The following HACD2 variants were observed in gnomAD, a reference collection of about 807,000 sequenced individuals.
The protein encoded by HACD2 is 3-hydroxyacyl-CoA dehydratase 2, also known as very-long-chain (3R)-3-hydroxyacyl-CoA dehydratase 2.
In HACD2, 15 loss-of-function variants were observed where a neutral mutation model predicts 31.0. That is an observed-to-expected ratio of 0.48 (90% CI 0.32 to 0.75). The LOEUF (loss-of-function observed/expected upper bound fraction) is 0.75, where lower values mean the gene tolerates loss of function less well. HACD2 is among the 30% of genes least tolerant of loss of function. The pLI is 0.03. For synonymous variants in HACD2, 115 were observed against 122.2 expected, an observed-to-expected ratio of 0.94 and a Z score of 0.39; for missense variants, 283 against 313.0, an observed-to-expected ratio of 0.90 and a Z score of 0.72.
intron 4 of HACD2, among the ~76,000 whole-genome samples, chr3:123,522,762 T>C (rs1559909286): frequency 6.7e-6 from 1 of 150,334 alleles, no homozygotes; most frequent in Non-Finnish European, 1.5e-5. Flanking sequence ...CCAAATGGAG[T>C]AGGGTGGAGG....
At chr3:123,512,553 G>A (rs918308834) in intron 4 of HACD2, among the ~76,000 whole-genome samples, 3 of 152,160 alleles carry the variant, frequency 2.0e-5, no homozygotes, top group Admixed American at 1.3e-4. Flanking sequence ...TTGAGAATGG[G>A]GGTGGTGAAG....
chr3:123,566,809 G>C (rs763411731), intron 3 of HACD2, among the ~76,000 whole-genome samples: 2 of 152,010 alleles, frequency 1.3e-5, no homozygotes, highest in African/African-American at 2.4e-5. Flanking sequence ...AGCTATGATC[G>C]CATCAATGCA....
chr3:123,564,345 G>A (rs2056768967), intron 3 of HACD2, among the ~76,000 whole-genome samples: 1 of 152,208 alleles, frequency 6.6e-6, no homozygotes, highest in African/African-American at 2.4e-5. Flanking sequence ...GAAGGGCAAT[G>A]AGCTAAGACA....
At chr3:123,561,837 G>A (rs1290947117) in intron 3 of HACD2, among the ~76,000 whole-genome samples, 1 of 151,570 alleles carries the variant, frequency 6.6e-6, no homozygotes, top group East Asian at 1.9e-4. Flanking sequence ...TTTGAGACGG[G>A]GTCTCACTCT....
intron 4 of HACD2, among the ~76,000 whole-genome samples, chr3:123,520,631 T>C (rs745904465): frequency 2.7e-4 from 41 of 152,254 alleles, no homozygotes; most frequent in Non-Finnish European, 1.2e-4. Flanking sequence ...CCAACATCTT[T>C]CCACCACTGT....
intron 3 of HACD2, among the ~76,000 whole-genome samples, chr3:123,559,844 T>C (rs2056709366): frequency 6.6e-6 from 1 of 152,204 alleles, no homozygotes; most frequent in Admixed American, 6.5e-5. Flanking sequence ...CCTCGGGGAC[T>C]GTTTTTGCCT....
intron 2 of HACD2, among the ~76,000 whole-genome samples, chr3:123,579,953 G>A (rs1017682049): frequency 1.3e-5 from 2 of 152,116 alleles, no homozygotes; most frequent in Non-Finnish European, 2.9e-5. Context: ...AGGTGGATAC[G>A]AGAGAAAAGA....
chr3:123,501,703 T>C (rs2055903936), intron 5 of HACD2, among the ~76,000 whole-genome samples: 1 of 152,334 alleles, frequency 6.6e-6, no homozygotes, highest in South Asian at 2.1e-4. Flanking sequence ...GCTTCCACAG[T>C]GGCTGTCCAG....
chr3:123,549,498 A>G (rs1206907808), intron 3 of HACD2, among the ~76,000 whole-genome samples: 2 of 152,200 alleles, frequency 1.3e-5, no homozygotes, highest in Non-Finnish European at 2.9e-5. Flanking sequence ...CTGTAATCCC[A>G]GCACTTTGGG....
intron 2 of HACD2, among the ~76,000 whole-genome samples, chr3:123,568,660 T>C (rs1413486312): frequency 6.6e-6 from 1 of 152,190 alleles, no homozygotes; most frequent in African/African-American, 2.4e-5. Context: ...ATAGCAGTGA[T>C]TTAACTCTGG....
intron 2 of HACD2, among the ~76,000 whole-genome samples, chr3:123,574,921 G>C (rs1424654057): frequency 2.0e-5 from 3 of 151,948 alleles, no homozygotes; most frequent in African/African-American, 7.3e-5. Context: ...ATGAACTCTG[G>C]AGTGATACAA....
At chr3:123,529,554 GTC>G (rs1345091586) in intron 3 of HACD2, among the ~76,000 whole-genome samples, 2 of 152,084 alleles carry the variant, frequency 1.3e-5, no homozygotes, top group Non-Finnish European at 2.9e-5. Context: ...GCGAGACCTT[GTC>G]TCTACTAAAA....
At chr3:123,522,522 T>C (rs1000067830) in intron 4 of HACD2, among the ~76,000 whole-genome samples, 1 of 152,136 alleles carries the variant, frequency 6.6e-6, no homozygotes, top group Non-Finnish European at 1.5e-5. Flanking sequence ...CTATGCTAAA[T>C]ATAGGTAACG....
intron 2 of HACD2, among the ~76,000 whole-genome samples, chr3:123,576,464 G>A (rs1285144151): frequency 1.3e-5 from 2 of 152,092 alleles, no homozygotes; most frequent in Non-Finnish European, 2.9e-5. Flanking sequence ...TTTTCACACT[G>A]TTTGAGAAGC....
intron 4 of HACD2, among the ~76,000 whole-genome samples, chr3:123,526,263 C>T (rs1171486257): frequency 1.3e-5 from 2 of 152,182 alleles, no homozygotes; most frequent in African/African-American, 4.8e-5. Context: ...CTGTCGAAGA[C>T]GTAGGGCAGG....
chr3:123,569,865 T>C (rs2056833643), intron 2 of HACD2, among the ~76,000 whole-genome samples: 1 of 151,790 alleles, frequency 6.6e-6, no homozygotes, highest in South Asian at 2.1e-4. Flanking sequence ...GGCGCATGCC[T>C]GTAGTCTCGG....
chr3:123,535,322 A>C (rs552557781), intron 3 of HACD2, among the ~76,000 whole-genome samples: 23 of 152,324 alleles, frequency 1.5e-4, no homozygotes, highest in African/African-American at 5.5e-4. Context: ...GCTAGACCAT[A>C]TGGCCTAGGT....
intron 6 of HACD2, among the ~76,000 whole-genome samples, chr3:123,498,827 T>C (rs1267364343): frequency 6.6e-6 from 1 of 152,124 alleles, no homozygotes; most frequent in African/African-American, 2.4e-5. Context: ...AGGAACGCTA[T>C]CATCATGGAG....
rs2056268484 is a variant in HACD2 at position 123,525,402 on chromosome 3, A to G, written c.381+2984T>C. Among the ~76,000 whole-genome samples, 5 of 152,310 alleles carry G rather than the reference A, an allele frequency of 3.3e-5. No homozygotes were observed. The South Asian group carries it at 1.0e-3, about 32-fold the overall frequency. On this transcript the variant is annotated intron_variant, in intron 4 of 6. Transcript: ENST00000383657. Reference sequence around the variant, plus strand: ...GGGTAGATCCTTACACATAAGAGAAAACCATCTGATCACTTTTTAGTTTCA... The same window carrying G: ...GGGTAGATCCTTACACATAAGAGAAGACCATCTGATCACTTTTTAGTTTCA...
Sources: gnomAD v4.1 joint callset for allele counts (sites outside exome capture counted in the v4.1 genomes callset) on GRCh38, gnomAD v4.1.1 for gene constraint, MANE v1.5 for transcripts, NCBI Gene and HGNC (gene_info 2026-07-23, HGNC 2026-07-21) for gene names.